MROH7: variants seen among roughly 807,000 people sequenced by gnomAD.
MROH7 encodes maestro heat like repeat family member 7, also known as maestro heat-like repeat-containing protein family member 7.
A neutral mutation model predicts 129.2 loss-of-function variants in MROH7; 113 were observed. The observed-to-expected ratio is 0.87, with a 90% CI of 0.75 to 1.02. The LOEUF is 1.02. Among genes scored for constraint, MROH7 ranks in the 50% least tolerant of loss-of-function variants. The probability of loss-of-function intolerance (pLI) is 0.00; values close to 1 mark genes in which losing one functional copy is unlikely to be tolerated. For synonymous variants in MROH7, 655 were observed against 667.9 expected, an observed-to-expected ratio of 0.98 and a Z score of 0.30; for missense variants, 1,601 against 1,671.3, an observed-to-expected ratio of 0.96 and a Z score of 0.73.
chr1:54,690,469 G>A (rs567477101), intron 15 of MROH7, among the ~76,000 whole-genome samples: 4 of 147,176 alleles, frequency 2.7e-5, no homozygotes, highest in Admixed American at 7.0e-5. Flanking sequence ...TTTTTTAGAC[G>A]GAGTCTCACT....
At chr1:54,664,995 G>A (rs1045605716) in intron 3 of MROH7, among the ~76,000 whole-genome samples, 172 bp from the exon 4 acceptor site, 48 of 152,082 alleles carry the variant, frequency 3.2e-4, no homozygotes, top group African/African-American at 1.2e-3. Flanking sequence ...TCTAGCCTGG[G>A]CAATAAGAGT....
intron 7 of MROH7, 61 bp from the exon 8 acceptor site, chr1:54,673,030 G>T (rs751024466): frequency 2.3e-6 from 3 of 1,291,424 alleles, no homozygotes; most frequent in Admixed American, 1.8e-5. Context: ...ACCAGGGGCC[G>T]CCTGGGGCTG....
Position 54,699,142 on chromosome 1 carries a change from CTTTCTTTCTTTCTTTCT to C in MROH7, c.2965-1159_2965-1143del, listed in dbSNP as rs1557726973. 6.7e-4 allele frequency: 61 copies of C among 90,788 alleles called. 2 individuals are homozygous for C. Among genetic ancestry groups the C allele is most frequent in the Middle Eastern group, 5.3e-3 (1 of 188 alleles). 5.6% of individuals were successfully genotyped at this position (90,788 alleles called of 1,614,324 possible). A position where few individuals can be genotyped will look rare whatever the true frequency, so the allele number is the denominator to read the frequency against. On this transcript the variant is annotated intron_variant, in intron 17 of 23. Transcript: ENST00000421030. ...TCTTTCTTTCTTTCTTTCTTTCTTT[CTTTCTTTCTTTCTTTCT>C]TTTCTTTCTTTCTTTCTTTCTTTCT...
At chr1:54,657,048 C>CTT (rs35098878) in intron 3 of MROH7, among the ~76,000 whole-genome samples, 1,344 of 132,410 alleles carry the variant, frequency 0.01, 35 homozygotes, top group African/African-American at 0.035. Flanking sequence ...TTCTCACCAT[C>CTT]TTTTTTTTTT....
At chr1:54,684,248 T>C (rs1172526403) in intron 14 of MROH7, among the ~76,000 whole-genome samples, 1 of 152,200 alleles carries the variant, frequency 6.6e-6, no homozygotes, top group Non-Finnish European at 1.5e-5. Flanking sequence ...AGGAGGATGC[T>C]CCTGCTTAGA....
chr1:54,646,176 G>C, intron 1 of MROH7, among the ~76,000 whole-genome samples: 1 of 152,220 alleles, frequency 6.6e-6, no homozygotes, highest in East Asian at 1.9e-4. Flanking sequence ...AAGATGTAGG[G>C]TCTGGTAAAA....
intron 1 of MROH7, among the ~76,000 whole-genome samples, chr1:54,647,248 A>T (rs1162918732): frequency 6.6e-6 from 1 of 152,178 alleles, no homozygotes; most frequent in Non-Finnish European, 1.5e-5. Context: ...GTTTTCTTCC[A>T]AGAGTTTTAT....
chr1:54,690,438 GT>G (rs755023511), intron 15 of MROH7, among the ~76,000 whole-genome samples: 1,536 of 144,188 alleles, frequency 0.011, 28 homozygotes, highest in African/African-American at 0.034. Flanking sequence ...AAGTTCAGAA[GT>G]TTTTTTTTTT....
Position 54,670,539 on chromosome 1 carries a change from G to A in MROH7, c.1432G>A (p.Val478Ile), listed in dbSNP as rs775363362. 4.2e-5 allele frequency: 67 copies of A among 1,613,720 alleles called. No individual in the cohort carries two copies. In the East Asian group the frequency reaches 4.9e-4, roughly 12 times the overall value. The stretch of plus-strand genomic sequence containing the variant: ...GCCACTGGATTCTCTCTCAAGCTCC[G>A]TCCGCAAGCAGGCCATGGAGATCCT... ...EEPLDSLSSS[V>I]RKQAMEILTQ... Residue 478 changes from valine to isoleucine, a missense_variant, in exon 6 of 24, where the codon GTC becomes ATC. Transcript: ENST00000421030.
chr1:54,653,638 G>C lies in MROH7; in HGVS notation c.712G>C (p.Gly238Arg). The C allele has an allele frequency of 6.2e-7, 1 of 1,614,108 alleles. No homozygotes were observed. ...CCTGAATGTAGCTCCAGATTCTCATGGGACCCTAATCCCAGACACAAATGA... is the reference window on the plus strand; with the variant it reads ...CCTGAATGTAGCTCCAGATTCTCATCGGACCCTAATCCCAGACACAAATGA... Reference protein sequence around the residue: ...LNLNVAPDSHGTLIPDTNETI... With the variant: ...LNLNVAPDSHRTLIPDTNETI... The change falls in exon 3 of 24, where the codon GGG (glycine) becomes CGG (arginine). Residue 238 changes from glycine (G) to arginine (R), a missense_variant. Coordinates refer to ENST00000421030, the MANE Select transcript of MROH7 (RefSeq NM_001039464.4).
chr1:54,681,580 A>C (rs963713694), intron 13 of MROH7, among the ~76,000 whole-genome samples: 2 of 152,230 alleles, frequency 1.3e-5, no homozygotes, highest in African/African-American at 4.8e-5. Flanking sequence ...AGGGGAACAG[A>C]GCTAGAAAGT....
intron 14 of MROH7, among the ~76,000 whole-genome samples, chr1:54,683,900 C>T (rs1323592215): frequency 2.6e-5 from 4 of 152,248 alleles, no homozygotes; most frequent in South Asian, 4.1e-4. Flanking sequence ...GTATATTTTG[C>T]GTCACATACT....
chr1:54,704,429 ATTTT>A lies in MROH7; in HGVS notation c.3564+1703_3564+1706del, dbSNP rs34380712. 2.9e-3 allele frequency among the ~76,000 whole-genome samples: 328 copies of A among 112,244 alleles called. 3 individuals carry two copies. Among genetic ancestry groups the A allele is most frequent in the Middle Eastern group, 9.7e-3 (2 of 206 alleles). The allele number at this position is 112,244 out of a possible 152,430, so 73.6% of individuals were successfully genotyped here. On this transcript the variant is annotated intron_variant, in intron 21 of 23. Coordinates refer to ENST00000421030, the MANE Select transcript of MROH7 (RefSeq NM_001039464.4). ...GTTTCATGAGAAAAGCTAGAAACCT[ATTTT>A]TTTTTTTTTTTTTTTTTTGAGACAG... is the stretch of plus-strand genomic sequence containing the variant.
chr1:54,651,492 A>C (rs1644554180), intron 1 of MROH7: 1 of 152,464 alleles, frequency 6.6e-6, no homozygotes, highest in Non-Finnish European at 1.5e-5. Context: ...ACCCAGACCT[A>C]ACTGGGAGAG....
intron 15 of MROH7, among the ~76,000 whole-genome samples, chr1:54,690,201 T>C (rs963301649): frequency 3.3e-5 from 5 of 152,024 alleles, no homozygotes; most frequent in African/African-American, 1.2e-4. Flanking sequence ...GTTTCAACTC[T>C]ATTTTTTCAC....
intron 13 of MROH7, 64 bp downstream of exon 13, chr1:54,680,109 T>C: frequency 6.5e-7 from 1 of 1,539,122 alleles, no homozygotes; most frequent in Admixed American, 1.7e-5. Flanking sequence ...CCACCCCAGG[T>C]TGGGGACCCC....
chr1:54,697,489 G>A, intron 17 of MROH7: 1 of 522,600 alleles, frequency 1.9e-6, no homozygotes, highest in Non-Finnish European at 3.4e-6. Flanking sequence ...TGGCCTTGGG[G>A]TCGGGAGTCC....
chr1:54,675,011 T>G (rs1644959355), intron 10 of MROH7, among the ~76,000 whole-genome samples: 1 of 152,326 alleles, frequency 6.6e-6, no homozygotes, highest in East Asian at 1.9e-4. Flanking sequence ...AGTCTGGCTT[T>G]GTTGCCCAGG....
intron 17 of MROH7, 40 bp from the exon 18 acceptor site, chr1:54,700,281 C>G (rs980071526): frequency 1.2e-6 from 2 of 1,613,372 alleles, no homozygotes; most frequent in African/African-American, 2.7e-5. Flanking sequence ...GCTGCCCTGC[C>G]CCCCTCAGCC....
Sources: gnomAD v4.1 joint callset for allele counts (sites outside exome capture counted in the v4.1 genomes callset) on GRCh38, gnomAD v4.1.1 for gene constraint, MANE v1.5 for transcripts, NCBI Gene and HGNC (gene_info 2026-07-23, HGNC 2026-07-21) for gene names.